TMTC2: variants seen among roughly 807,000 people sequenced by gnomAD.
TMTC2 encodes the protein transmembrane O-mannosyltransferase targeting cadherins 2.
In TMTC2, 43 loss-of-function variants were observed where a neutral mutation model predicts 82.4. That is an observed-to-expected ratio of 0.52 (90% CI 0.41 to 0.67). TMTC2 has a LOEUF of 0.67. Among genes scored for constraint, TMTC2 ranks in the 30% least tolerant of loss-of-function variants. The pLI is 0.00. For synonymous variants in TMTC2, 408 were observed against 381.9 expected (o/e 1.07, Z -0.80); for missense variants, 919 against 1,012.4 (o/e 0.91, Z 1.25).
chr12:82,998,650 CAGAA>C (rs1421943210), intron 8 of TMTC2, among the ~76,000 whole-genome samples: 2 of 152,088 alleles, frequency 1.3e-5, no homozygotes, highest in Admixed American at 6.5e-5. Flanking sequence ...ATATCCTATA[CAGAA>C]TAATACATCA....
chr12:82,858,874 A>T (rs1048841380), intron 2 of TMTC2, among the ~76,000 whole-genome samples: 1 of 152,152 alleles, frequency 6.6e-6, no homozygotes, highest in African/African-American at 2.4e-5. Context: ...TCTTTCAAAG[A>T]GATTTAGAGA....
intron 1 of TMTC2, among the ~76,000 whole-genome samples, chr12:82,732,654 T>G (rs1874888574): frequency 6.6e-6 from 1 of 152,230 alleles, no homozygotes; most frequent in Non-Finnish European, 1.5e-5. Flanking sequence ...GTTCTCATCA[T>G]CTTTAAGGCT....
At chr12:83,122,820 G>T (rs1884996237) in intron 11 of TMTC2, among the ~76,000 whole-genome samples, 1 of 152,150 alleles carries the variant, frequency 6.6e-6, no homozygotes, top group African/African-American at 2.4e-5. Flanking sequence ...AATCAGAGCT[G>T]CAATCTAGTC....
intron 1 of TMTC2, among the ~76,000 whole-genome samples, chr12:82,728,993 C>T (rs1874611595): frequency 6.6e-6 from 1 of 152,256 alleles, no homozygotes; most frequent in Non-Finnish European, 1.5e-5. Flanking sequence ...CACCCCATGC[C>T]TGAGCCTCCG....
At chr12:83,038,347 C>G (rs1309777326) in intron 9 of TMTC2, among the ~76,000 whole-genome samples, 1 of 151,878 alleles carries the variant, frequency 6.6e-6, no homozygotes, top group Non-Finnish European at 1.5e-5. Context: ...CATTGGAAAT[C>G]AAGGGAATTA....
intron 1 of TMTC2, among the ~76,000 whole-genome samples, chr12:82,722,398 CAAAAAA>C (rs67785786): frequency 2.9e-4 from 30 of 102,562 alleles, no homozygotes; most frequent in Non-Finnish European, 4.6e-4. Flanking sequence ...ACTAAAAATA[CAAAAAA>C]AAAAAAAAAA....
At chr12:82,864,520 A>G (rs1464574583) in intron 2 of TMTC2, among the ~76,000 whole-genome samples, 7 of 80,756 alleles carry the variant, frequency 8.7e-5, no homozygotes, top group Admixed American at 6.7e-4. Context: ...TTTTTTTTTG[A>G]GAGACGGAGT....
chr12:82,873,301 A>G (rs532799789), intron 2 of TMTC2, among the ~76,000 whole-genome samples: 5 of 151,288 alleles, frequency 3.3e-5, no homozygotes, highest in African/African-American at 7.3e-5. Flanking sequence ...ACTTCGAACC[A>G]TGTGGGTCAG....
intron 8 of TMTC2, among the ~76,000 whole-genome samples, chr12:83,012,502 A>C (rs1163789249): frequency 6.6e-6 from 1 of 152,204 alleles, no homozygotes; most frequent in East Asian, 1.9e-4. Context: ...AAATAGTTGG[A>C]TAACAACATG....
intron 1 of TMTC2, among the ~76,000 whole-genome samples, chr12:82,706,498 T>G (rs1029047894): frequency 6.6e-6 from 1 of 152,042 alleles, no homozygotes; most frequent in African/African-American, 2.4e-5. Flanking sequence ...GGTTCTCTGA[T>G]AACATTTAAA....
chr12:82,717,660 CA>C (rs1397671761), intron 1 of TMTC2, among the ~76,000 whole-genome samples: 4 of 152,092 alleles, frequency 2.6e-5, no homozygotes, highest in Non-Finnish European at 5.9e-5. Context: ...ATCAATTATA[CA>C]ATATACTTTA....
At chr12:82,838,653 C>T (rs1374235532) in intron 1 of TMTC2, among the ~76,000 whole-genome samples, 2 of 152,164 alleles carry the variant, frequency 1.3e-5, no homozygotes. Flanking sequence ...AATCCATTGC[C>T]ATTTGAATAT....
chr12:82,750,823 GC>G (rs1395589971), intron 1 of TMTC2, among the ~76,000 whole-genome samples: 1 of 152,086 alleles, frequency 6.6e-6, no homozygotes, highest in Non-Finnish European at 1.5e-5. Flanking sequence ...TTCTGGGAGA[GC>G]ATTTAGTATA....
In TMTC2 at chr12:82,783,812, G is replaced by C. The variant is rs563599761; in HGVS notation, c.84-73198G>C. 5.3e-5 allele frequency among the ~76,000 whole-genome samples: 8 copies of C among 152,158 alleles called. No homozygotes were observed. In the South Asian group the frequency reaches 1.7e-3, roughly 32 times the overall value. On this transcript the variant is annotated intron_variant, in intron 1 of 11. Coordinates refer to ENST00000321196, the MANE Select transcript of TMTC2 (RefSeq NM_152588.3). ...AGGAATGGAGGAGCAACTGGGAAGG[G>C]TGGGGAGGAGGAGGATCAAAGCAGC... is the stretch of plus-strand genomic sequence containing the variant.
At chr12:83,084,838 C>G (rs897796581) in intron 11 of TMTC2, among the ~76,000 whole-genome samples, 1 of 152,152 alleles carries the variant, frequency 6.6e-6, no homozygotes, top group African/African-American at 2.4e-5. Flanking sequence ...GATTTTGTGT[C>G]AACCATAAGA....
intron 1 of TMTC2, among the ~76,000 whole-genome samples, chr12:82,844,279 T>C (rs1038543712): frequency 1.3e-5 from 2 of 152,212 alleles, no homozygotes; most frequent in Admixed American, 1.3e-4. Context: ...AAAATTGCCA[T>C]GTACTTTATC....
intron 11 of TMTC2, among the ~76,000 whole-genome samples, chr12:83,116,804 TGA>T (rs1884778492): frequency 1.3e-5 from 2 of 151,668 alleles, no homozygotes; most frequent in Non-Finnish European, 2.9e-5. Flanking sequence ...CTCACTTGTT[TGA>T]GTTCATTGTA....
intron 7 of TMTC2, among the ~76,000 whole-genome samples, chr12:82,978,813 G>A (rs1184775347): frequency 6.6e-6 from 1 of 151,584 alleles, no homozygotes; most frequent in African/African-American, 2.4e-5. Context: ...ATTGTATTGG[G>A]GTCTATCTCT....
At chr12:82,738,495 C>T (rs1875230570) in intron 1 of TMTC2, among the ~76,000 whole-genome samples, 1 of 152,098 alleles carries the variant, frequency 6.6e-6, no homozygotes, top group African/African-American at 2.4e-5. Flanking sequence ...TTAATAGTTA[C>T]TTATACCTTA....
Sources: gnomAD v4.1 joint callset for allele counts (sites outside exome capture counted in the v4.1 genomes callset) on GRCh38, gnomAD v4.1.1 for gene constraint, MANE v1.5 for transcripts, NCBI Gene and HGNC (gene_info 2026-07-23, HGNC 2026-07-21) for gene names.